Variants in RC3H1 observed in about 807,000 individuals in gnomAD.
The protein encoded by RC3H1 is roquin-1.
RC3H1 carries 50 observed loss-of-function variants against 138.2 expected under a neutral mutation model. The observed-to-expected ratio is 0.36, with a 90% CI of 0.29 to 0.46. RC3H1 has a LOEUF of 0.46. Ranked by LOEUF, RC3H1 falls within the 20% of genes least tolerant of loss-of-function variation. The probability of loss-of-function intolerance (pLI) is 1.00; values close to 1 mark genes in which losing one functional copy is unlikely to be tolerated. For synonymous variants in RC3H1, 462 were observed against 489.1 expected, an observed-to-expected ratio of 0.94 and a Z score of 0.73; for missense variants, 1,031 against 1,388.1, an observed-to-expected ratio of 0.74 and a Z score of 4.09.
At chr1:173,947,716 G>T in intron 14 of RC3H1, 134 bp from the exon 15 acceptor site, 1 of 679,000 alleles carries the variant, frequency 1.5e-6, no homozygotes, top group Non-Finnish European at 2.5e-6. Flanking sequence ...AGTTACCTTT[G>T]GTTGTTTTTA....
intron 2 of RC3H1, among the ~76,000 whole-genome samples, chr1:173,990,666 G>A (rs1031937723): frequency 7.9e-5 from 12 of 151,070 alleles, no homozygotes; most frequent in Middle Eastern, 6.9e-3. Flanking sequence ...TCCGCCTCCC[G>A]GGTTCACACC....
intron 1 of RC3H1, among the ~76,000 whole-genome samples, chr1:174,021,172 C>G (rs1459093890): frequency 3.3e-5 from 5 of 152,202 alleles, no homozygotes; most frequent in Non-Finnish European, 5.9e-5. Context: ...CCACTTTATG[C>G]TAGTTAATGT....
chr1:173,946,567 G>A lies in RC3H1; in HGVS notation c.2870C>T (p.Pro957Leu). ...CTGTTCTCTCTCAGCAGATGGAAGG[G>A]GTTTTCCATGACTGGCCACTTCTGA... ...SMSEVASHGK[P>L]LPSAEREQLR... The change falls in exon 17 of 20, where the codon CCC becomes CTC. Residue 957 changes from proline to leucine, a missense_variant. Coordinates refer to ENST00000367696, the MANE Select transcript of RC3H1 (RefSeq NM_172071.4). 1 of 1,613,722 alleles carries A rather than the reference G, an allele frequency of 6.2e-7. No individual in the cohort carries two copies.
Position 173,931,842 on chromosome 1 carries a change from T to TTGGAAAAAGTAAAA in RC3H1, c.*6865_*6878dup, listed in dbSNP as rs770756137. On this transcript the variant is annotated 3_prime_UTR_variant, in exon 20 of 20. Transcript: ENST00000367696. Reference sequence around the variant, plus strand: ...CTTCTCTTTTTAAAGTTGGAAACACTTGGAAAAAGTAAAATTTCACAAAAT... The same window carrying TTGGAAAAAGTAAAA: ...CTTCTCTTTTTAAAGTTGGAAACACTTGGAAAAAGTAAAATGGAAAAAGTAAAATTTCACAAAAT... 67 of 152,132 alleles carry TTGGAAAAAGTAAAA rather than the reference T, an allele frequency of 4.4e-4. No homozygotes were observed. The highest frequency in any genetic ancestry group is 8.7e-4 in the Non-Finnish European group (59 of 68,004). 9.4% of individuals were successfully genotyped at this position (152,132 alleles called of 1,614,324 possible). A position where few individuals can be genotyped will look rare whatever the true frequency, so the allele number is the denominator to read the frequency against.
At chr1:173,945,774 C>T (rs1337025815) in intron 17 of RC3H1, among the ~76,000 whole-genome samples, 1 of 151,768 alleles carries the variant, frequency 6.6e-6, no homozygotes, top group Non-Finnish European at 1.5e-5. Context: ...ATGGCGCAAT[C>T]TTGGCTCACT....
chr1:173,995,261 T>C (rs1661435440), intron 1 of RC3H1, among the ~76,000 whole-genome samples: 1 of 152,044 alleles, frequency 6.6e-6, no homozygotes, highest in Non-Finnish European at 1.5e-5. Context: ...AGGCCAGGCA[T>C]GGTGGCCCAC....
chr1:173,981,829 G>A (rs1203619894), intron 5 of RC3H1, among the ~76,000 whole-genome samples: 2 of 151,900 alleles, frequency 1.3e-5, no homozygotes, highest in African/African-American at 4.8e-5. Context: ...TGACCCAGAA[G>A]GCAGAGGATG....
intron 1 of RC3H1, among the ~76,000 whole-genome samples, chr1:174,017,164 T>C (rs1279881763): frequency 2.0e-5 from 3 of 152,254 alleles, no homozygotes; most frequent in Non-Finnish European, 2.9e-5. Context: ...TTTGTGAATA[T>C]TCCTAGTTTC....
In RC3H1 at chr1:173,993,000, C is replaced by G; in HGVS notation, c.-15G>C. The G allele has an allele frequency of 6.4e-7, 1 of 1,560,768 alleles. No homozygotes were observed. The highest frequency in any genetic ancestry group is 8.8e-7 in the Non-Finnish European group (1 of 1,132,324). ...TGTACAGGCATTGCTTCTGGAGTTA[C>G]AATTCACGAACACAAACACACACAC... is the stretch of plus-strand genomic sequence containing the variant. On this transcript the variant is annotated 5_prime_UTR_variant, in exon 2 of 20. Transcript: ENST00000367696.
chr1:174,010,750 C>T (rs1439417113), intron 1 of RC3H1, among the ~76,000 whole-genome samples: 1 of 151,986 alleles, frequency 6.6e-6, no homozygotes, highest in African/African-American at 2.4e-5. Flanking sequence ...CCTTCCTCTA[C>T]CTTCCTCACA....
At chr1:173,986,236 A>G (rs564201852) in intron 2 of RC3H1, among the ~76,000 whole-genome samples, 1 of 152,336 alleles carries the variant, frequency 6.6e-6, no homozygotes, top group South Asian at 2.1e-4. Context: ...TACATTTGTT[A>G]AAATTAATGA....
intron 14 of RC3H1, among the ~76,000 whole-genome samples, chr1:173,950,408 C>T (rs2102880806): frequency 8.8e-6 from 1 of 112,996 alleles, no homozygotes; most frequent in Non-Finnish European, 1.7e-5. Context: ...CATAGCAAGA[C>T]CTCATCTCTA....
In RC3H1 at chr1:173,938,663, AC is replaced by A; in HGVS notation, c.*57del. On this transcript the variant is annotated 3_prime_UTR_variant, in exon 20 of 20. Transcript: ENST00000367696. Reference sequence around the variant, plus strand: ...AAGTTTAGAAGTTATGCGTTCTCCTACCCCTATGCCCGACAAACTGATTAGG... The same window carrying A: ...AAGTTTAGAAGTTATGCGTTCTCCTACCCTATGCCCGACAAACTGATTAGG... 3 of 1,327,030 alleles carry A rather than the reference AC, an allele frequency of 2.3e-6. No individual in the cohort carries two copies. In the South Asian group the frequency reaches 4.6e-5, roughly 20 times the overall value. The allele number at this position is 1,327,030 out of a possible 1,614,324, so 82.2% of individuals were successfully genotyped here.
At chr1:173,964,257 A>T in intron 10 of RC3H1, 70 bp from the exon 11 acceptor site, 1 of 1,288,014 alleles carries the variant, frequency 7.8e-7, no homozygotes, top group Non-Finnish European at 1.1e-6. Context: ...ACAAGTAAAA[A>T]AGATTGCTAC....
Position 174,017,783 on chromosome 1 carries a change from C to CAAAAAAAAAAAAAAAAAAAAAA in RC3H1, c.-151+4291_-151+4312dup, listed in dbSNP as rs61239660. Reference sequence around the variant, plus strand: ...ACCCCTTTAGAACTCTTTTCTTGCTCAAAAAAAAAAAAAAAAAAAAAAAAA... The same window carrying CAAAAAAAAAAAAAAAAAAAAAA: ...ACCCCTTTAGAACTCTTTTCTTGCTCAAAAAAAAAAAAAAAAAAAAAAAAAAAAAAAAAAAAAAAAAAAAAAA... On this transcript the variant is annotated intron_variant, in intron 1 of 19. Coordinates refer to ENST00000367696, the MANE Select transcript of RC3H1 (RefSeq NM_172071.4). Among the ~76,000 whole-genome samples, 23 of 72,028 alleles carry CAAAAAAAAAAAAAAAAAAAAAA rather than the reference C, an allele frequency of 3.2e-4. 3 individuals carry two copies. The highest frequency in any genetic ancestry group is 1.3e-3 in the African/African-American group (22 of 17,524). 47.3% of individuals were successfully genotyped at this position (72,028 alleles called of 152,430 possible).
chr1:173,935,706 G>A lies in RC3H1; in HGVS notation c.*3015C>T, dbSNP rs902692625. The A allele has an allele frequency of 6.6e-6, 1 of 152,028 alleles. No individual in the cohort carries two copies. Among genetic ancestry groups the A allele is most frequent in the East Asian group, 1.9e-4 (1 of 5,202 alleles). 9.4% of individuals were successfully genotyped at this position (152,028 alleles called of 1,614,324 possible). ...AGGCTCATGATATCACAGAGAAAAG[G>A]AAAAGGAAAAAAAGCAAAAAACAAA... is the stretch of plus-strand genomic sequence containing the variant. On this transcript the variant is annotated 3_prime_UTR_variant, in exon 20 of 20. Transcript: ENST00000367696.
intron 8 of RC3H1, 52 bp downstream of exon 8, chr1:173,972,457 T>C: frequency 7.8e-7 from 1 of 1,275,620 alleles, no homozygotes; most frequent in Non-Finnish European, 1.1e-6. Flanking sequence ...TACCTATAGT[T>C]TTAAGGCATA....
chr1:173,947,327 G>T, intron 15 of RC3H1, 42 bp downstream of exon 15: 1 of 1,391,140 alleles, frequency 7.2e-7, no homozygotes, highest in Non-Finnish European at 1.0e-6. Context: ...TGAAAGTCAA[G>T]ATTATGAACC....
intron 8 of RC3H1, among the ~76,000 whole-genome samples, chr1:173,971,014 GGC>G (rs1557935566): frequency 4.0e-5 from 6 of 150,422 alleles, no homozygotes; most frequent in Non-Finnish European, 8.9e-5. Context: ...CGGGCTGGAG[GGC>G]AGCGGCGCAA....
Sources: gnomAD v4.1 joint callset for allele counts (sites outside exome capture counted in the v4.1 genomes callset) on GRCh38, gnomAD v4.1.1 for gene constraint, MANE v1.5 for transcripts, NCBI Gene and HGNC (gene_info 2026-07-23, HGNC 2026-07-21) for gene names.